Variants in GRID2 observed in about 807,000 individuals in gnomAD.
The protein encoded by GRID2 is glutamate receptor ionotropic, delta-2.
A neutral mutation model predicts 114.8 loss-of-function variants in GRID2; 33 were observed. The ratio of observed to expected loss-of-function variants is 0.29; its 90% confidence interval spans 0.22 to 0.38. The LOEUF (loss-of-function observed/expected upper bound fraction) is 0.38, where lower values mean the gene tolerates loss of function less well. Among genes scored for constraint, GRID2 ranks in the 10% least tolerant of loss-of-function variants. The pLI is 1.00. For missense variants in GRID2, 1,184 were observed against 1,257.7 expected (o/e 0.94, Z 0.89); for synonymous variants, 505 against 449.9 (o/e 1.12, Z -1.55).
intron 2 of GRID2, among the ~76,000 whole-genome samples, chr4:92,593,055 AC>A (rs1465043556): frequency 2.6e-5 from 4 of 151,960 alleles, no homozygotes; most frequent in Non-Finnish European, 5.9e-5. Flanking sequence ...TCATTTTTTT[AC>A]AGTCTAAAGA....
At chr4:93,519,815 A>G (rs1730152243) in intron 13 of GRID2, among the ~76,000 whole-genome samples, 2 of 152,130 alleles carry the variant, frequency 1.3e-5, no homozygotes, top group Non-Finnish European at 2.9e-5. Context: ...ATTCATTCAT[A>G]AAGATAGCAT....
At chr4:93,587,316 CA>C (rs1172251692) in intron 13 of GRID2, among the ~76,000 whole-genome samples, 2 of 152,166 alleles carry the variant, frequency 1.3e-5, no homozygotes, top group Admixed American at 1.3e-4. Flanking sequence ...ATTATGAATG[CA>C]TCAATAACAA....
At chr4:92,768,637 A>T (rs1738383975) in intron 2 of GRID2, among the ~76,000 whole-genome samples, 1 of 152,204 alleles carries the variant, frequency 6.6e-6, no homozygotes, top group African/African-American at 2.4e-5. Context: ...ACAGTTCCAC[A>T]TGGCTGGGGA....
At chr4:93,396,198 A>G (rs1481313519) in intron 9 of GRID2, among the ~76,000 whole-genome samples, 3 of 152,058 alleles carry the variant, frequency 2.0e-5, no homozygotes, top group Non-Finnish European at 4.4e-5. Context: ...TTTAATAGGC[A>G]TCTACTGTCG....
chr4:93,465,333 T>C (rs1266145643), intron 11 of GRID2, among the ~76,000 whole-genome samples: 1 of 152,242 alleles, frequency 6.6e-6, no homozygotes, highest in African/African-American at 2.4e-5. Context: ...CAATAGAGTG[T>C]CAGATTATTT....
At position 92,424,044 on chromosome 4, in the gene GRID2, G is replaced by A. The variant is rs550981469; in HGVS notation, c.88+119300G>A. 3.3e-5 allele frequency among the ~76,000 whole-genome samples: 5 copies of A among 152,172 alleles called. No homozygotes were observed. The East Asian group carries it at 9.6e-4, about 29-fold the overall frequency. ...GAATTGTCTGAGATGATATTACATA[G>A]TATGGCAAGTGATATTTGGAATTCT... is the stretch of plus-strand genomic sequence containing the variant. On this transcript the variant is annotated intron_variant, in intron 1 of 15. Transcript: ENST00000282020.
intron 2 of GRID2, among the ~76,000 whole-genome samples, chr4:92,671,925 G>C (rs945894915): frequency 2.0e-5 from 3 of 152,090 alleles, no homozygotes; most frequent in African/African-American, 7.2e-5. Flanking sequence ...AGACCATATG[G>C]TTTCAGGATA....
At chr4:93,101,412 C>T (rs1731692483) in intron 3 of GRID2, among the ~76,000 whole-genome samples, 1 of 151,992 alleles carries the variant, frequency 6.6e-6, no homozygotes, top group African/African-American at 2.4e-5. Context: ...TCTTTCCATT[C>T]CCTTAACCCC....
intron 4 of GRID2, among the ~76,000 whole-genome samples, chr4:93,158,435 T>C (rs1737375362): frequency 6.6e-6 from 1 of 151,766 alleles, no homozygotes; most frequent in African/African-American, 2.4e-5. Context: ...TTTAGTGTGA[T>C]GCTGGGGAAA....
At chr4:92,974,414 A>G (rs999552052) in intron 2 of GRID2, among the ~76,000 whole-genome samples, 8 of 152,160 alleles carry the variant, frequency 5.3e-5, no homozygotes, top group Non-Finnish European at 1.2e-4. Context: ...ACTGTTCACA[A>G]TAGCAAAGAC....
chr4:93,782,848 C>T, intron 1 of GRID2, among the ~76,000 whole-genome samples: 1 of 152,002 alleles, frequency 6.6e-6, no homozygotes, highest in East Asian at 1.9e-4. Context: ...TTGCTATGTA[C>T]TCTTGCCTCA....
intron 8 of GRID2, among the ~76,000 whole-genome samples, chr4:93,261,397 C>T (rs569603531): frequency 1.3e-5 from 2 of 151,892 alleles, no homozygotes; most frequent in South Asian, 2.1e-4. Flanking sequence ...CACAATCTAA[C>T]TCAGTATTAG....
chr4:93,457,765 A>G (rs1723343629), intron 11 of GRID2, among the ~76,000 whole-genome samples: 1 of 152,146 alleles, frequency 6.6e-6, no homozygotes, highest in East Asian at 1.9e-4. Context: ...AGGTTTTTGA[A>G]TAGAAAATTA....
At chr4:92,893,094 T>C (rs931963242) in intron 2 of GRID2, among the ~76,000 whole-genome samples, 18 of 152,226 alleles carry the variant, frequency 1.2e-4, no homozygotes, top group African/African-American at 4.3e-4. Context: ...CTTGGACTTG[T>C]ATTTACTTTT....
chr4:92,724,864 A>C (rs916668815), intron 2 of GRID2, among the ~76,000 whole-genome samples: 2 of 152,166 alleles, frequency 1.3e-5, no homozygotes, highest in Non-Finnish European at 2.9e-5. Flanking sequence ...TGAAATTTTA[A>C]AATAAGTTAT....
At chr4:93,347,251 C>T (rs1449594450) in intron 8 of GRID2, among the ~76,000 whole-genome samples, 3 of 151,888 alleles carry the variant, frequency 2.0e-5, no homozygotes, top group African/African-American at 4.8e-5. Context: ...TTTTGAAGTA[C>T]TTAAATATTA....
At chr4:93,619,982 G>T (rs1308885205) in intron 13 of GRID2, among the ~76,000 whole-genome samples, 1 of 152,202 alleles carries the variant, frequency 6.6e-6, no homozygotes, top group African/African-American at 2.4e-5. Flanking sequence ...ATTTAATGTA[G>T]TGCAAAGAGC....
intron 1 of GRID2, among the ~76,000 whole-genome samples, chr4:92,416,419 G>A (rs532333085): frequency 3.9e-5 from 6 of 152,060 alleles, no homozygotes; most frequent in African/African-American, 7.2e-5. Flanking sequence ...TAGGTCCCCC[G>A]AATTTATCTT....
chr4:92,542,866 C>T lies in GRID2; in HGVS notation c.89-47265C>T, dbSNP rs1030740944. Among the ~76,000 whole-genome samples the T allele has an allele frequency of 3.3e-5, 5 of 151,872 alleles. No homozygotes were observed. In the East Asian group the frequency reaches 5.8e-4, roughly 18 times the overall value. On this transcript the variant is annotated intron_variant, in intron 1 of 15. Coordinates refer to ENST00000282020, the MANE Select transcript of GRID2 (RefSeq NM_001510.4). ...CAGAAGGTAATAATTGATTATAGTA[C>T]GTGTGGGTTCTAGTAGACCCTGTTC...
Sources: allele counts gnomAD v4.1 joint callset (sites outside exome capture counted in the v4.1 genomes callset), GRCh38; gene constraint gnomAD v4.1.1; transcripts MANE v1.5; gene names NCBI Gene and HGNC (gene_info 2026-07-23, HGNC 2026-07-21).